Variants in UBQLN1 observed in about 807,000 individuals in gnomAD.
UBQLN1 encodes ubiquilin 1, also known as ubiquilin-1.
In UBQLN1, 13 loss-of-function variants were observed where a neutral mutation model predicts 65.4. The observed-to-expected ratio is 0.20, with a 90% CI of 0.13 to 0.32. The LOEUF is 0.32. Ranked by LOEUF, UBQLN1 falls within the 10% of genes least tolerant of loss-of-function variation. UBQLN1 has a pLI of 1.00. For missense variants in UBQLN1, 561 were observed against 724.0 expected, an observed-to-expected ratio of 0.77 and a Z score of 2.58; for synonymous variants, 267 against 247.8, an observed-to-expected ratio of 1.08 and a Z score of -0.73.
chr9:83,677,608 T>C (rs1448956215), intron 6 of UBQLN1, 119 bp downstream of exon 6: 13 of 717,934 alleles, frequency 1.8e-5, no homozygotes, highest in Non-Finnish European at 2.0e-5. Flanking sequence ...AAAAATATAG[T>C]TTATAAAAGA....
chr9:83,705,640 T>C (rs1832390217), intron 1 of UBQLN1, among the ~76,000 whole-genome samples: 1 of 152,138 alleles, frequency 6.6e-6, no homozygotes, highest in Non-Finnish European at 1.5e-5. Flanking sequence ...CCATGAAAGA[T>C]AAAAGAGTAA....
intron 4 of UBQLN1, among the ~76,000 whole-genome samples, chr9:83,679,182 CTG>C (rs1264935767): frequency 6.6e-6 from 1 of 152,228 alleles, no homozygotes; most frequent in African/African-American, 2.4e-5. Flanking sequence ...ACGTGAGTCA[CTG>C]TAACAAGAAA....
intron 1 of UBQLN1, among the ~76,000 whole-genome samples, chr9:83,699,203 T>G (rs1832271096): frequency 6.6e-6 from 1 of 152,230 alleles, no homozygotes; most frequent in Non-Finnish European, 1.5e-5. Flanking sequence ...GTGAATGTAC[T>G]TAATGTCACT....
intron 3 of UBQLN1, among the ~76,000 whole-genome samples, chr9:83,681,539 G>A (rs2131163140): frequency 6.6e-6 from 1 of 152,312 alleles, no homozygotes; most frequent in Middle Eastern, 3.4e-3. Flanking sequence ...TGAGTCTGGA[G>A]CATAAATACT....
intron 6 of UBQLN1, among the ~76,000 whole-genome samples, chr9:83,671,193 A>G (rs1299203247): frequency 6.6e-6 from 1 of 152,176 alleles, no homozygotes; most frequent in East Asian, 1.9e-4. Flanking sequence ...CCTCCTCCAT[A>G]GAAGTCTTGA....
At chr9:83,696,854 T>C (rs572907538) in intron 1 of UBQLN1, among the ~76,000 whole-genome samples, 1 of 152,178 alleles carries the variant, frequency 6.6e-6, no homozygotes, top group Non-Finnish European at 1.5e-5. Context: ...AGACAATCCA[T>C]ATAATCACAA....
intron 2 of UBQLN1, among the ~76,000 whole-genome samples, chr9:83,685,695 C>G (rs984914781): frequency 6.6e-6 from 1 of 151,588 alleles, no homozygotes; most frequent in Admixed American, 6.6e-5. Context: ...ATAAGTTACT[C>G]ATGATCTTTG....
intron 1 of UBQLN1, among the ~76,000 whole-genome samples, chr9:83,701,215 A>T (rs1277293519): frequency 6.6e-6 from 1 of 152,104 alleles, no homozygotes; most frequent in Non-Finnish European, 1.5e-5. Context: ...ATTTAAAAAT[A>T]ATACATTATA....
intron 1 of UBQLN1, among the ~76,000 whole-genome samples, chr9:83,690,913 G>A (rs905965187): frequency 5.3e-5 from 8 of 152,158 alleles, no homozygotes; most frequent in Non-Finnish European, 1.0e-4. Flanking sequence ...CAAGGCGGGT[G>A]GATCACCTGA....
chr9:83,692,849 T>C (rs1448100551), intron 1 of UBQLN1, among the ~76,000 whole-genome samples: 1 of 152,166 alleles, frequency 6.6e-6, no homozygotes, highest in Non-Finnish European at 1.5e-5. Context: ...CGGAACTCCG[T>C]TTTAAAAATA....
In UBQLN1 at chr9:83,678,683, T is replaced by A. The variant is rs1831885413; in HGVS notation, c.712-84A>T. On this transcript the variant is annotated intron_variant, in intron 4 of 10. Coordinates refer to ENST00000376395, the MANE Select transcript of UBQLN1 (RefSeq NM_013438.5). ...CATTAATTACTTTATTAACTGCCATTAAACAAAGTTTATGGGAGGCCACTG... is the reference window on the plus strand; with the variant it reads ...CATTAATTACTTTATTAACTGCCATAAAACAAAGTTTATGGGAGGCCACTG... 3 of 1,381,654 alleles carry A rather than the reference T, an allele frequency of 2.2e-6. No homozygotes were observed. The South Asian group carries it at 4.1e-5, about 19-fold the overall frequency. 85.6% of individuals were successfully genotyped at this position (1,381,654 alleles called of 1,614,324 possible). A position where few individuals can be genotyped will look rare whatever the true frequency, so the allele number is the denominator to read the frequency against.
rs748492001 is a variant in UBQLN1 at position 83,678,513 on chromosome 9, T to A, written c.798A>T (p.Pro266=). The A allele has an allele frequency of 1.2e-6, 2 of 1,614,084 alleles. No individual in the cohort carries two copies. Among genetic ancestry groups the A allele is most frequent in the Non-Finnish European group, 1.7e-6 (2 of 1,179,984 alleles). ...DRALSNLESI[P]GGYNALRRMY... The stretch of plus-strand genomic sequence containing the variant: ...TGCGCCTTAAAGCATTATATCCCCC[T>A]GGGATGCTTTCTAGGTTGCTCAAAG... Residue 266 remains proline (P), a synonymous_variant, in exon 5 of 11, where the codon CCA becomes CCT. Transcript: ENST00000376395.
chr9:83,665,381 G>A (rs2131141905), intron 8 of UBQLN1: 1 of 372,214 alleles, frequency 2.7e-6, no homozygotes, highest in Non-Finnish European at 4.8e-6. Context: ...TTTCCATAAT[G>A]GAAGAAAATC....
At chr9:83,683,953 G>A (rs1341559925) in intron 2 of UBQLN1, among the ~76,000 whole-genome samples, 3 of 151,892 alleles carry the variant, frequency 2.0e-5, no homozygotes, top group East Asian at 2.0e-4. Flanking sequence ...CCCAGGAGGC[G>A]GAGGTTGTAG....
chr9:83,674,781 T>C (rs1267266357), intron 6 of UBQLN1, among the ~76,000 whole-genome samples: 2 of 152,190 alleles, frequency 1.3e-5, no homozygotes, highest in Non-Finnish European at 2.9e-5. Flanking sequence ...ATGGTAAGTC[T>C]GAAGTGACCG....
At chr9:83,705,904 T>A (rs1832396262) in intron 1 of UBQLN1, among the ~76,000 whole-genome samples, 1 of 151,890 alleles carries the variant, frequency 6.6e-6, no homozygotes, top group Non-Finnish European at 1.5e-5. Context: ...TAATGTTAAG[T>A]TCTAAAACAG....
At position 83,707,641 on chromosome 9, in the gene UBQLN1, G is replaced by A. The variant is rs774100599; in HGVS notation, c.39C>T (p.Ser13=). ...ESGESGGPPG[S]QDSAAGAEGA... ...CTTCGGCTCCGGCGGCGCTATCCTG[G>A]GAGCCCGGAGGACCGCCGCTTTCAC... Residue 13 remains serine, a synonymous_variant, in exon 1 of 11, where the codon TCC becomes TCT. Coordinates refer to ENST00000376395, the MANE Select transcript of UBQLN1 (RefSeq NM_013438.5). The A allele has an allele frequency of 8.2e-5, 129 of 1,568,708 alleles. No homozygotes were observed. Among genetic ancestry groups the A allele is most frequent in the Non-Finnish European group, 1.0e-4 (120 of 1,158,254 alleles).
intron 1 of UBQLN1, among the ~76,000 whole-genome samples, chr9:83,704,999 T>C (rs951613455): frequency 1.3e-5 from 2 of 152,206 alleles, no homozygotes; most frequent in African/African-American, 2.4e-5. Flanking sequence ...TTCTAATCTT[T>C]TGCAGTAAAA....
chr9:83,685,229 G>A (rs1311670832), intron 2 of UBQLN1, among the ~76,000 whole-genome samples: 1 of 152,122 alleles, frequency 6.6e-6, no homozygotes, highest in Non-Finnish European at 1.5e-5. Flanking sequence ...AGTGTTAATG[G>A]CTTGGAACAA....
Sources: gnomAD v4.1 joint callset for allele counts (sites outside exome capture counted in the v4.1 genomes callset) on GRCh38, gnomAD v4.1.1 for gene constraint, MANE v1.5 for transcripts, NCBI Gene and HGNC (gene_info 2026-07-23, HGNC 2026-07-21) for gene names.